The following COQ8B variants were observed in gnomAD, a reference collection of about 807,000 sequenced individuals.
COQ8B encodes the protein coenzyme Q8B, also known as atypical kinase COQ8B, mitochondrial.
COQ8B carries 44 observed loss-of-function variants against 62.0 expected under a neutral mutation model. The ratio of observed to expected loss-of-function variants is 0.71; its 90% CI spans 0.56 to 0.91. The LOEUF is 0.91. Ranked by LOEUF, COQ8B falls within the 40% of genes least tolerant of loss-of-function variation. The pLI, the probability that COQ8B is intolerant of heterozygous loss-of-function variation, is 0.00. For synonymous variants in COQ8B, 252 were observed against 289.9 expected (o/e 0.87, Z 1.33); for missense variants, 649 against 731.6 (o/e 0.89, Z 1.30).
rs1481430333 is a variant in COQ8B at position 40,692,327 on chromosome 19, G to A, written c.1343C>T (p.Pro448Leu). ...GTCATAAGGGCCCTGGGTGGCGAAAGGCTCCCCCAGGATCATCACTGCCTC... is the reference window on the plus strand; with the variant it reads ...GTCATAAGGGCCCTGGGTGGCGAAAAGCTCCCCCAGGATCATCACTGCCTC... Reference protein sequence around the residue: ...HVEAVMILGEPFATQGPYDFG... With the variant: ...HVEAVMILGELFATQGPYDFG... Residue 448 changes from proline (P) to leucine (L), a missense_variant, in exon 15 of 15, where the codon CCT becomes CTT. Physicochemically the swap from Pro to Leu is moderately conservative, Grantham distance 98. Transcript: ENST00000324464. 1.2e-6 allele frequency: 2 copies of A among 1,613,746 alleles called. No individual in the cohort carries two copies. Among genetic ancestry groups the A allele is most frequent in the Non-Finnish European group, 1.7e-6 (2 of 1,179,858 alleles).
At chr19:40,708,001 C>T (rs2082113732) in intron 5 of COQ8B, 1 of 152,124 alleles carries the variant, frequency 6.6e-6, no homozygotes. Context: ...GTATGTGTAC[C>T]TGGGTTTATA....
intron 4 of COQ8B, 140 bp from the exon 5 acceptor site, chr19:40,710,276 G>C (rs972515459): frequency 2.6e-6 from 2 of 755,700 alleles, no homozygotes; most frequent in Non-Finnish European, 4.2e-6. Flanking sequence ...ATGGAGTCTC[G>C]CTCTGTTGCC....
intron 4 of COQ8B, among the ~76,000 whole-genome samples, chr19:40,712,433 C>T (rs952478168): frequency 7.0e-6 from 1 of 143,300 alleles, no homozygotes; most frequent in East Asian, 2.1e-4. Flanking sequence ...AAAAAAACAA[C>T]AAAAAATAGT....
chr19:40,699,890 C>A (rs1384524677), intron 12 of COQ8B, among the ~76,000 whole-genome samples, 177 bp downstream of exon 12: 1 of 152,152 alleles, frequency 6.6e-6, no homozygotes, highest in Non-Finnish European at 1.5e-5. Context: ...GTTGCAAGGC[C>A]CCAGGGATGG....
chr19:40,715,194 C>A (rs904543464), intron 1 of COQ8B: 3 of 985,072 alleles, frequency 3.0e-6, no homozygotes, highest in Non-Finnish European at 3.6e-6. Flanking sequence ...TCCATCTGTG[C>A]GCGGGGGAAG....
At chr19:40,698,104 T>TAC (rs1437646788) in intron 12 of COQ8B, among the ~76,000 whole-genome samples, 1 of 150,448 alleles carries the variant, frequency 6.6e-6, no homozygotes, top group African/African-American at 2.5e-5. Context: ...TAATCCCAGC[T>TAC]ACTTGGGAGG....
chr19:40,693,612 C>G (rs1017955969), intron 13 of COQ8B, among the ~76,000 whole-genome samples: 2 of 152,124 alleles, frequency 1.3e-5, no homozygotes, highest in Non-Finnish European at 2.9e-5. Flanking sequence ...CAGCTGGGGC[C>G]AGCTGGCTAG....
At chr19:40,715,925 C>T (rs541885544) in intron 1 of COQ8B, 1 of 152,600 alleles carries the variant, frequency 6.6e-6, no homozygotes, top group Non-Finnish European at 1.5e-5. Context: ...TCACCCACTT[C>T]TCACAGTCTG....
chr19:40,709,626 A>G (rs888231646), intron 5 of COQ8B, among the ~76,000 whole-genome samples: 1 of 152,116 alleles, frequency 6.6e-6, no homozygotes, highest in African/African-American at 2.4e-5. Flanking sequence ...CGGGTGGATC[A>G]TGAGGTCAGG....
At chr19:40,702,763 CCT>C (rs1237422515) in intron 9 of COQ8B, 70 bp from the exon 10 acceptor site, 22 of 1,406,888 alleles carry the variant, frequency 1.6e-5, no homozygotes, top group African/African-American at 9.0e-5. Context: ...TCCTGCCAAC[CCT>C]CTCTCTCCTG....
intron 1 of COQ8B, chr19:40,715,222 T>C: frequency 2.0e-6 from 2 of 984,868 alleles, no homozygotes; most frequent in Non-Finnish European, 2.4e-6. Flanking sequence ...AGAGAGGCCC[T>C]AGCGATGGAG....
At chr19:40,707,545 G>A (rs966349862) in intron 5 of COQ8B, among the ~76,000 whole-genome samples, 11 of 151,400 alleles carry the variant, frequency 7.3e-5, no homozygotes, top group African/African-American at 2.7e-4. Context: ...CCGCCTCCCC[G>A]GTTCAAGCAA....
In COQ8B at chr19:40,714,321, C is replaced by A. The variant is rs752533752; in HGVS notation, c.179G>T (p.Arg60Leu). Residue 60 changes from arginine (R) to leucine (L), a missense_variant, in exon 3 of 15, where the codon CGC (arginine) becomes CTC (leucine). Coordinates refer to ENST00000324464, the MANE Select transcript of COQ8B (RefSeq NM_024876.4). ...PGRGLGEEDI[R>L]RAREARPRKT... is the part of the protein sequence containing the mutation. ...CCTGGGACGGGCCTCCCGTGCCCTG[C>A]GAATGTCCTCCTCACCCAGGCCTCT... The A allele has an allele frequency of 4.3e-6, 7 of 1,613,912 alleles. No individual in the cohort carries two copies. The highest frequency in any genetic ancestry group is 5.9e-6 in the Non-Finnish European group (7 of 1,180,006).
Position 40,694,385 on chromosome 19 carries a change from C to T in COQ8B, c.1210-1348G>A, listed in dbSNP as rs566333593. On this transcript the variant is annotated intron_variant, in intron 13 of 14. Coordinates refer to ENST00000324464, the MANE Select transcript of COQ8B (RefSeq NM_024876.4). The stretch of plus-strand genomic sequence containing the variant: ...CCCTTCCCTGCTCAAATCTTTTCCA[C>T]GGCTCCGCAGGGCACCTGGATACAG... Among the ~76,000 whole-genome samples, 5 of 152,336 alleles carry T rather than the reference C, an allele frequency of 3.3e-5. No individual in the cohort carries two copies. The South Asian group carries it at 8.3e-4, about 25-fold the overall frequency.
chr19:40,700,377 C>T lies in COQ8B; in HGVS notation c.968G>A (p.Gly323Asp), dbSNP rs375247053. The T allele has an allele frequency of 6.5e-5, 105 of 1,614,076 alleles. No homozygotes were observed. The highest frequency in any genetic ancestry group is 7.6e-5 in the Non-Finnish European group (90 of 1,180,042). ...GGGGACCCCTCCAGCCAGCTCCATG[C>T]CCAGCACCCGTGTCGTGCACAGCTC... Reference protein sequence around the residue: ...VKELCTTRVLGMELAGGVPLD... With the variant: ...VKELCTTRVLDMELAGGVPLD... The change falls in exon 11 of 15, where the codon GGC becomes GAC. Residue 323 changes from glycine (G) to aspartate (D), a missense_variant. Transcript: ENST00000324464.
intron 13 of COQ8B, 116 bp from the exon 14 acceptor site, chr19:40,693,153 G>A: frequency 1.2e-6 from 1 of 826,592 alleles, no homozygotes; most frequent in Non-Finnish European, 1.9e-6. Flanking sequence ...ATCTGCCTGG[G>A]CCCTCCCTCA....
intron 10 of COQ8B, chr19:40,700,670 C>G: frequency 1.8e-6 from 1 of 568,698 alleles, no homozygotes; most frequent in Admixed American, 3.1e-5. Flanking sequence ...GCACCTGCCT[C>G]TCAACTGGGT....
intron 3 of COQ8B, 57 bp downstream of exon 3, chr19:40,714,221 G>A: frequency 6.2e-7 from 1 of 1,606,176 alleles, no homozygotes; most frequent in Non-Finnish European, 8.5e-7. Context: ...CCTTCCCCAA[G>A]CTCAGGGGGC....
At chr19:40,693,455 T>C (rs991902496) in intron 13 of COQ8B, among the ~76,000 whole-genome samples, 1 of 152,100 alleles carries the variant, frequency 6.6e-6, no homozygotes, top group African/African-American at 2.4e-5. Context: ...AGGATCCCAG[T>C]TGGGTTTAGT....
Sources: gnomAD v4.1 joint callset for allele counts (sites outside exome capture counted in the v4.1 genomes callset) on GRCh38, gnomAD v4.1.1 for gene constraint, MANE v1.5 for transcripts, NCBI Gene and HGNC (gene_info 2026-07-23, HGNC 2026-07-21) for gene names.